ZCWPW2: variants seen among roughly 807,000 people sequenced by gnomAD.
ZCWPW2 encodes the protein zinc finger CW-type PWWP domain protein 2.
In ZCWPW2, 45 loss-of-function variants were observed where a neutral mutation model predicts 46.6. That is an observed-to-expected ratio of 0.96 (90% CI 0.76 to 1.24). The LOEUF (loss-of-function observed/expected upper bound fraction) is 1.24. Ranked by LOEUF, ZCWPW2 falls within the 50% of genes most tolerant of loss-of-function variation. The probability of loss-of-function intolerance (pLI) is 0.00; values close to 1 mark genes in which losing one functional copy is unlikely to be tolerated. For missense variants in ZCWPW2, 429 were observed against 403.9 expected (o/e 1.06, Z -0.53); for synonymous variants, 152 against 137.1 (o/e 1.11, Z -0.76).
At chr3:28,401,697 C>G (rs752550166) in intron 2 of ZCWPW2, among the ~76,000 whole-genome samples, 3 of 151,960 alleles carry the variant, frequency 2.0e-5, no homozygotes, top group Non-Finnish European at 4.4e-5. Flanking sequence ...ACAAAACAAC[C>G]CTCAATAAGA....
At chr3:28,430,903 G>A (rs927521043) in intron 3 of ZCWPW2, among the ~76,000 whole-genome samples, 1 of 152,174 alleles carries the variant, frequency 6.6e-6, no homozygotes, top group African/African-American at 2.4e-5. Flanking sequence ...CAGTCATGTG[G>A]AACTGTGAGT....
intron 6 of ZCWPW2, among the ~76,000 whole-genome samples, chr3:28,513,569 T>C (rs1278714329): frequency 3.9e-5 from 6 of 152,082 alleles, no homozygotes; most frequent in African/African-American, 1.2e-4. Flanking sequence ...CTCTAACCAG[T>C]GTCACCCTCA....
intron 4 of ZCWPW2, among the ~76,000 whole-genome samples, chr3:28,448,739 T>G (rs1158110847): frequency 1.7e-5 from 2 of 115,336 alleles, no homozygotes; most frequent in Non-Finnish European, 3.4e-5. Flanking sequence ...GAGCTGAGAT[T>G]ATGCCACTAC....
intron 4 of ZCWPW2, among the ~76,000 whole-genome samples, chr3:28,455,481 T>C (rs1432809525): frequency 6.6e-6 from 1 of 152,220 alleles, no homozygotes; most frequent in Non-Finnish European, 1.5e-5. Context: ...AGAAGCTCTT[T>C]AGTTTAACTA....
intron 2 of ZCWPW2, among the ~76,000 whole-genome samples, chr3:28,400,877 A>G (rs1234186969): frequency 6.6e-6 from 1 of 152,158 alleles, no homozygotes; most frequent in Non-Finnish European, 1.5e-5. Context: ...AAATAAAAAT[A>G]CAGCTTAAAA....
At chr3:28,413,447 G>A in intron 3 of ZCWPW2, 47 bp downstream of exon 3, 7 of 1,428,370 alleles carry the variant, frequency 4.9e-6, no homozygotes, top group Non-Finnish European at 5.6e-6. Context: ...GTCTTGCTAG[G>A]TTTATGAATA....
At chr3:28,417,046 G>A (rs189954844) in intron 3 of ZCWPW2, among the ~76,000 whole-genome samples, 3,869 of 148,852 alleles carry the variant, frequency 0.026, 71 homozygotes, top group Non-Finnish European at 0.04. Flanking sequence ...GAGTTAGGCA[G>A]GATTCCCTCT....
intron 6 of ZCWPW2, among the ~76,000 whole-genome samples, chr3:28,498,807 AC>A (rs1176991204): frequency 6.6e-6 from 1 of 151,468 alleles, no homozygotes; most frequent in Non-Finnish European, 1.5e-5. Context: ...CTAGCCAGCC[AC>A]CCCCCAACAG....
chr3:28,354,559 A>G (rs1270104150), intron 1 of ZCWPW2, among the ~76,000 whole-genome samples: 1 of 125,792 alleles, frequency 7.9e-6, no homozygotes, highest in African/African-American at 2.9e-5. Context: ...AAAAAAGAGA[A>G]TTTTAGACCA....
intron 6 of ZCWPW2, among the ~76,000 whole-genome samples, chr3:28,510,567 A>G (rs1432145460): frequency 6.6e-6 from 1 of 151,996 alleles, no homozygotes; most frequent in African/African-American, 2.4e-5. Flanking sequence ...TCTTCCTCCA[A>G]AGTACATTCT....
chr3:28,494,945 A>T (rs1256189975), intron 6 of ZCWPW2, among the ~76,000 whole-genome samples: 3 of 151,276 alleles, frequency 2.0e-5, no homozygotes, highest in Non-Finnish European at 4.4e-5. Flanking sequence ...AAACAAATGG[A>T]AGAACATTCC....
At chr3:28,360,109 C>G (rs1704883107) in intron 1 of ZCWPW2, among the ~76,000 whole-genome samples, 1 of 151,300 alleles carries the variant, frequency 6.6e-6, no homozygotes, top group East Asian at 2.0e-4. Flanking sequence ...AGTGAAGGAA[C>G]AGAAAATATT....
At chr3:28,405,522 C>G (rs1696123734) in intron 2 of ZCWPW2, among the ~76,000 whole-genome samples, 1 of 152,158 alleles carries the variant, frequency 6.6e-6, no homozygotes, top group African/African-American at 2.4e-5. Context: ...GTTGCCTAGG[C>G]TGGAGTGCAG....
intron 1 of ZCWPW2, among the ~76,000 whole-genome samples, chr3:28,383,349 G>A (rs1180221349): frequency 6.7e-6 from 1 of 148,510 alleles, no homozygotes; most frequent in South Asian, 2.2e-4. Flanking sequence ...ATGACACAAA[G>A]CAAAGGTTAA....
At chr3:28,424,228 AACACACAC>A (rs55725925) in intron 3 of ZCWPW2, among the ~76,000 whole-genome samples, 330 of 138,960 alleles carry the variant, frequency 2.4e-3, no homozygotes, top group African/African-American at 7.5e-3. Context: ...GTCTTATTCC[AACACACAC>A]ACACACACAC....
At chr3:28,427,994 C>T (rs1697086963) in intron 3 of ZCWPW2, 1 of 152,112 alleles carries the variant, frequency 6.6e-6, no homozygotes, top group Non-Finnish European at 1.5e-5. Flanking sequence ...TTCTAAATTT[C>T]TGTTAAGTTG....
At chr3:28,387,256 T>C (rs532219536) in intron 1 of ZCWPW2, among the ~76,000 whole-genome samples, 1 of 152,332 alleles carries the variant, frequency 6.6e-6, no homozygotes, top group South Asian at 2.1e-4. Flanking sequence ...TCTGTGCATG[T>C]TCTGCACATG....
chr3:28,439,418 A>C (rs1412212039), intron 4 of ZCWPW2, among the ~76,000 whole-genome samples: 1 of 152,060 alleles, frequency 6.6e-6, no homozygotes, highest in African/African-American at 2.4e-5. Flanking sequence ...GTGCCCACCC[A>C]ATTAAGGGTG....
intron 6 of ZCWPW2, among the ~76,000 whole-genome samples, chr3:28,495,749 G>A (rs988133787): frequency 1.3e-5 from 2 of 151,846 alleles, no homozygotes; most frequent in Non-Finnish European, 1.5e-5. Context: ...CAGATAGACT[G>A]GGGAAAAAAC....
Sources: gnomAD v4.1 joint callset for allele counts (sites outside exome capture counted in the v4.1 genomes callset) on GRCh38, gnomAD v4.1.1 for gene constraint, MANE v1.5 for transcripts, NCBI Gene and HGNC (gene_info 2026-07-23, HGNC 2026-07-21) for gene names.